Variants in FAM20A observed in about 807,000 individuals in gnomAD.
The protein encoded by FAM20A is FAM20A golgi associated secretory pathway pseudokinase, also known as pseudokinase FAM20A.
Under a neutral mutation model 52.0 loss-of-function variants are expected in FAM20A, and 42 were observed. The observed-to-expected ratio is 0.81, with a 90% CI of 0.63 to 1.04. The LOEUF is 1.04. Among genes scored for constraint, FAM20A ranks in the 50% least tolerant of loss-of-function variants. FAM20A has a pLI of 0.00. For synonymous variants in FAM20A, 304 were observed against 298.9 expected (o/e 1.02, Z -0.18); for missense variants, 742 against 712.7 (o/e 1.04, Z -0.47).
At chr17:68,597,322 T>C (rs1376224703) in intron 1 of FAM20A, among the ~76,000 whole-genome samples, 3 of 151,874 alleles carry the variant, frequency 2.0e-5, no homozygotes, top group Non-Finnish European at 4.4e-5. Context: ...CCTGGTGTGG[T>C]GGACAGTTTG....
intron 1 of FAM20A, among the ~76,000 whole-genome samples, chr17:68,563,982 G>T (rs2087299185): frequency 6.6e-6 from 1 of 152,214 alleles, no homozygotes; most frequent in South Asian, 2.1e-4. Context: ...AAGTGAGAGG[G>T]TCACAGAATG....
At chr17:68,568,087 A>C (rs1236977868) in intron 1 of FAM20A, among the ~76,000 whole-genome samples, 1 of 151,946 alleles carries the variant, frequency 6.6e-6, no homozygotes, top group Non-Finnish European at 1.5e-5. Context: ...GTCATTGGCT[A>C]TGACTGTTCT....
intron 4 of FAM20A, among the ~76,000 whole-genome samples, chr17:68,549,618 C>T (rs1272752117): frequency 1.3e-5 from 2 of 152,132 alleles, no homozygotes; most frequent in East Asian, 1.9e-4. Context: ...TTATGCTTCT[C>T]ATTAACATCT....
intron 3 of FAM20A, among the ~76,000 whole-genome samples, chr17:68,554,305 T>G (rs1226319687): frequency 6.6e-6 from 1 of 152,148 alleles, no homozygotes; most frequent in Admixed American, 6.5e-5. Flanking sequence ...TTTTCACTGT[T>G]GGCCAGGCTG....
At chr17:68,554,510 T>C (rs1568742651) in intron 3 of FAM20A, among the ~76,000 whole-genome samples, 1 of 152,140 alleles carries the variant, frequency 6.6e-6, no homozygotes, top group Non-Finnish European at 1.5e-5. Context: ...AGAAAGAGAG[T>C]GAGGCTCTGC....
chr17:68,551,315 T>C (rs1413659353), intron 4 of FAM20A: 1 of 410,780 alleles, frequency 2.4e-6, no homozygotes, highest in East Asian at 3.6e-5. Flanking sequence ...AATGTAAACA[T>C]GTAATTGACT....
chr17:68,575,823 CACACACACAT>C (rs1037880596), intron 1 of FAM20A, among the ~76,000 whole-genome samples: 11 of 135,350 alleles, frequency 8.1e-5, no homozygotes, highest in East Asian at 6.5e-4. Context: ...CACACACACA[CACACACACAT>C]AATCAGCCAT....
At chr17:68,546,505 G>A (rs901465664) in intron 4 of FAM20A, among the ~76,000 whole-genome samples, 11 of 152,000 alleles carry the variant, frequency 7.2e-5, no homozygotes, top group Non-Finnish European at 2.9e-5. Flanking sequence ...ACTAACTGTG[G>A]CAGCTATAGC....
intron 1 of FAM20A, among the ~76,000 whole-genome samples, chr17:68,568,918 G>C (rs1020551203): frequency 6.6e-6 from 1 of 151,814 alleles, no homozygotes; most frequent in African/African-American, 2.4e-5. Flanking sequence ...GTGGGAGCAG[G>C]GGTGGGGAGT....
chr17:68,548,874 C>T lies in FAM20A; in HGVS notation c.719+2999G>A, dbSNP rs867415594. ...CAGCCTCCCGAGCAGCTGGGACTAC[C>T]GGCACCCACCACCACGCCCGGCTAA... On this transcript the variant is annotated intron_variant, in intron 4 of 10. Coordinates refer to ENST00000592554, the MANE Select transcript of FAM20A (RefSeq NM_017565.4). 1.4e-4 allele frequency among the ~76,000 whole-genome samples: 21 copies of T among 151,226 alleles called. No homozygotes were observed. The Middle Eastern group carries it at 0.01, about 73-fold the overall frequency.
chr17:68,598,641 A>G (rs1204143286), intron 1 of FAM20A, among the ~76,000 whole-genome samples: 1 of 152,190 alleles, frequency 6.6e-6, no homozygotes, highest in Non-Finnish European at 1.5e-5. Context: ...TTGACACATA[A>G]TGGTGTAGAA....
chr17:68,599,350 T>A (rs1029285100), intron 1 of FAM20A, among the ~76,000 whole-genome samples: 2 of 152,080 alleles, frequency 1.3e-5, no homozygotes, highest in Admixed American at 1.3e-4. Context: ...CAAAACAGAG[T>A]CCTTAACTCA....
chr17:68,568,361 G>A (rs989460125), intron 1 of FAM20A, among the ~76,000 whole-genome samples: 3 of 151,702 alleles, frequency 2.0e-5, no homozygotes, highest in African/African-American at 4.9e-5. Context: ...CCAGCTACTC[G>A]GGAGGCTGAG....
intron 1 of FAM20A, among the ~76,000 whole-genome samples, chr17:68,562,624 T>G (rs1283298919): frequency 6.6e-6 from 1 of 150,620 alleles, no homozygotes; most frequent in Non-Finnish European, 1.5e-5. Flanking sequence ...CCCCCCCTTT[T>G]TATTTTAAGC....
intron 1 of FAM20A, chr17:68,557,394 G>C (rs1249527666): frequency 6.6e-6 from 1 of 151,908 alleles, no homozygotes; most frequent in Non-Finnish European, 1.5e-5. Flanking sequence ...GGGCCTCTGG[G>C]GAGTGATTAG....
intron 1 of FAM20A, among the ~76,000 whole-genome samples, chr17:68,559,847 G>A (rs2087160664): frequency 6.6e-6 from 1 of 152,058 alleles, no homozygotes. Context: ...TTATTTTCCT[G>A]TCAATAGGTT....
chr17:68,566,604 G>T (rs982824759), intron 1 of FAM20A, among the ~76,000 whole-genome samples: 2 of 152,196 alleles, frequency 1.3e-5, no homozygotes, highest in Admixed American at 1.3e-4. Flanking sequence ...CAGCAAAAGC[G>T]TTAGTCAGGA....
intron 3 of FAM20A, among the ~76,000 whole-genome samples, chr17:68,553,943 TACAC>T: frequency 7.4e-6 from 1 of 135,956 alleles, no homozygotes; most frequent in East Asian, 2.0e-4. Flanking sequence ...TATACATATA[TACAC>T]ACATATATGC....
chr17:68,554,752 G>A, intron 3 of FAM20A, 25 bp downstream of exon 3: 1 of 1,611,388 alleles, frequency 6.2e-7, no homozygotes, highest in Non-Finnish European at 8.5e-7. Flanking sequence ...AAGAGGCTGG[G>A]TGGGGGTGGG....
Sources: allele counts gnomAD v4.1 joint callset (sites outside exome capture counted in the v4.1 genomes callset), GRCh38; gene constraint gnomAD v4.1.1; transcripts MANE v1.5; gene names NCBI Gene and HGNC (gene_info 2026-07-23, HGNC 2026-07-21).